The following SPC24 variants were observed in gnomAD, a reference collection of about 807,000 sequenced individuals.
SPC24 encodes the protein kinetochore protein Spc24.
SPC24 carries 31 observed loss-of-function variants against 27.6 expected under a neutral mutation model. The observed-to-expected ratio is 1.12, with a 90% CI of 0.84 to 1.52. SPC24 has a LOEUF of 1.52. SPC24 is among the 40% of genes most tolerant of loss of function. SPC24 has a pLI of 0.00. For missense variants in SPC24, 284 were observed against 252.5 expected, an observed-to-expected ratio of 1.12 and a Z score of -0.84; for synonymous variants, 105 against 105.8, an observed-to-expected ratio of 0.99 and a Z score of 0.05.
chr19:11,150,214 G>A (rs1012924827), intron 1 of SPC24, among the ~76,000 whole-genome samples: 1 of 144,816 alleles, frequency 6.9e-6, no homozygotes, highest in African/African-American at 2.6e-5. Flanking sequence ...AAAAAGGCTA[G>A]GTGTGGTGGC....
In SPC24 at chr19:11,146,479, A is replaced by AAAAAAAAAAAG. The variant is rs1283117437; in HGVS notation, c.*703_*704insCTTTTTTTTTT. The stretch of plus-strand genomic sequence containing the variant: ...AAGAAATCCAGTAAAAAAAAAAAAA[A>AAAAAAAAAAAG]AAAAGGCCAGGCGCGGTGACTCACA... On this transcript the variant is annotated 3_prime_UTR_variant, in exon 5 of 5. Transcript: ENST00000592540. 1.3e-4 allele frequency: 19 copies of AAAAAAAAAAAG among 144,138 alleles called. No homozygotes were observed. The highest frequency in any genetic ancestry group is 2.7e-4 in the Non-Finnish European group (18 of 65,598). The allele number at this position is 144,138 out of a possible 1,614,324, so 8.9% of individuals were successfully genotyped here. A position where few individuals can be genotyped will look rare whatever the true frequency, so the allele number is the denominator to read the frequency against.
chr19:11,148,213 C>A, intron 2 of SPC24, 96 bp from the exon 3 acceptor site: 2 of 763,336 alleles, frequency 2.6e-6, no homozygotes, highest in Non-Finnish European at 2.2e-6. Context: ...TATTTACGCA[C>A]ACTCTCTTCT....
chr19:11,147,607 T>C (rs985625708), intron 4 of SPC24: 13 of 590,934 alleles, frequency 2.2e-5, no homozygotes, highest in African/African-American at 1.7e-4. Context: ...TATACTTTAC[T>C]ATATTTATTA....
intron 1 of SPC24, among the ~76,000 whole-genome samples, chr19:11,151,618 TTG>T (rs1491284612): frequency 2.0e-5 from 1 of 49,972 alleles, no homozygotes; most frequent in African/African-American, 8.4e-5. Flanking sequence ...TACTTTTTTT[TTG>T]GGGGGGGGGG....
intron 2 of SPC24, 87 bp downstream of exon 2, chr19:11,149,007 A>G: frequency 7.6e-7 from 1 of 1,319,694 alleles, no homozygotes; most frequent in East Asian, 2.9e-5. Context: ...TGGGCTTCCC[A>G]AAGTGCTGGG....
chr19:11,147,320 C>T (rs1477278342), intron 4 of SPC24, 31 bp from the exon 5 acceptor site: 6 of 1,451,648 alleles, frequency 4.1e-6, no homozygotes, highest in Middle Eastern at 1.8e-4. Context: ...AAGCCCGGGA[C>T]ACACAGCCCC....
In SPC24 at chr19:11,147,827, C is replaced by T. The variant is rs999927573; in HGVS notation, c.478G>A (p.Val160Ile). Residue 160 changes from valine to isoleucine, a missense_variant, in exon 4 of 5, where the codon GTC becomes ATC. Val to Ile is a conservative substitution (Grantham distance 29). Coordinates refer to ENST00000592540, the MANE Select transcript of SPC24 (RefSeq NM_182513.4). ...EWDYECEPGM[V>I]KGIHHGPSVA... ...TCCCCAAAAAGGATACTGCCTTTGA[C>T]CATCCCTGGCTCACACTCATAATCC... 12 of 1,611,342 alleles carry T rather than the reference C, an allele frequency of 7.4e-6. No homozygotes were observed. In the African/African-American group the frequency reaches 1.3e-4, roughly 18 times the overall value.
intron 3 of SPC24, 34 bp downstream of exon 3, chr19:11,147,979 G>T: frequency 6.2e-7 from 1 of 1,605,812 alleles, no homozygotes; most frequent in Non-Finnish European, 8.5e-7. Flanking sequence ...TGCACAAGGA[G>T]GCACAGGCAG....
intron 1 of SPC24, among the ~76,000 whole-genome samples, chr19:11,150,865 T>C (rs949873727): frequency 6.7e-6 from 1 of 150,040 alleles, no homozygotes; most frequent in African/African-American, 2.5e-5. Flanking sequence ...ACTCAGAGAA[T>C]GCAGATTAAA....
chr19:11,155,190 G>C (rs2077901484), intron 1 of SPC24, among the ~76,000 whole-genome samples: 1 of 152,152 alleles, frequency 6.6e-6, no homozygotes, highest in African/African-American at 2.4e-5. Context: ...TCAGGAAGAA[G>C]GGATGGGCTA....
rs1283117437 is a variant in SPC24, at chr19:11,146,479, A to AAAAAAAAAAAAAAAAAAAAAAAAAAAAG, written c.*703_*704insCTTTTTTTTTTTTTTTTTTTTTTTTTTT. 1 of 144,068 alleles carries AAAAAAAAAAAAAAAAAAAAAAAAAAAAG rather than the reference A, an allele frequency of 6.9e-6. No homozygotes were observed. Among genetic ancestry groups the AAAAAAAAAAAAAAAAAAAAAAAAAAAAG allele is most frequent in the Non-Finnish European group, 1.5e-5 (1 of 65,636 alleles). 8.9% of individuals were successfully genotyped at this position (144,068 alleles called of 1,614,324 possible). On this transcript the variant is annotated 3_prime_UTR_variant, in exon 5 of 5. Coordinates refer to ENST00000592540, the MANE Select transcript of SPC24 (RefSeq NM_182513.4). ...AAGAAATCCAGTAAAAAAAAAAAAA[A>AAAAAAAAAAAAAAAAAAAAAAAAAAAAG]AAAAGGCCAGGCGCGGTGACTCACA...
chr19:11,155,476 T>A, intron 1 of SPC24, 141 bp downstream of exon 1: 1 of 1,023,200 alleles, frequency 9.8e-7, no homozygotes, highest in Non-Finnish European at 1.4e-6. Context: ...AAACTAAGGC[T>A]CAGAGGGGGC....
At chr19:11,148,925 T>A (rs908793573) in intron 2 of SPC24, among the ~76,000 whole-genome samples, 169 bp downstream of exon 2, 3 of 152,076 alleles carry the variant, frequency 2.0e-5, no homozygotes, top group African/African-American at 7.2e-5. Context: ...CTAATTTTTT[T>A]ATTTTTGTAG....
intron 1 of SPC24, among the ~76,000 whole-genome samples, chr19:11,151,622 G>GTT (rs2077872182): frequency 9.9e-5 from 10 of 101,262 alleles, no homozygotes; most frequent in Admixed American, 6.6e-4. Flanking sequence ...TTTTTTTTGG[G>GTT]GGGGGGGGAT....
rs1568630784 is a variant in SPC24 at position 11,148,024 on chromosome 19, G to A, written c.399C>T (p.Ile133=). The stretch of plus-strand genomic sequence containing the variant: ...TTGGCAGAACCTACACGGCCGAGGG[G>A]ATTGTGACTGTCGTGTCCTCGTCGA... The part of the protein sequence containing the change: ...KEVDEDTTVT[I]PSAVYVAQLY... The change falls in exon 3 of 5, where the codon ATC becomes ATT. Residue 133 remains isoleucine, a synonymous_variant. Transcript: ENST00000592540. The A allele has an allele frequency of 6.2e-7, 1 of 1,613,726 alleles. No individual in the cohort carries two copies. Among genetic ancestry groups the A allele is most frequent in the Non-Finnish European group, 8.5e-7 (1 of 1,179,754 alleles).
At chr19:11,150,036 A>T (rs2077858708) in intron 1 of SPC24, among the ~76,000 whole-genome samples, 1 of 151,444 alleles carries the variant, frequency 6.6e-6, no homozygotes, top group African/African-American at 2.4e-5. Context: ...AAACACAAAA[A>T]ATTAGCCAGG....
chr19:11,149,954 C>T (rs1424238302), intron 1 of SPC24, among the ~76,000 whole-genome samples: 4 of 151,668 alleles, frequency 2.6e-5, no homozygotes, highest in African/African-American at 9.7e-5. Context: ...TCGTGATCCA[C>T]CCGCCTCAGC....
rs760915021 is a variant in SPC24 at position 11,145,848 on chromosome 19, C to A, written c.*1335G>T. Reference sequence around the variant, plus strand: ...ACTGGCCAGACCTTAACTATAAGGGCAGCTGGGAAGTGTTGTATTTTAACT... The same window carrying A: ...ACTGGCCAGACCTTAACTATAAGGGAAGCTGGGAAGTGTTGTATTTTAACT... On this transcript the variant is annotated 3_prime_UTR_variant, in exon 5 of 5. Coordinates refer to ENST00000592540, the MANE Select transcript of SPC24 (RefSeq NM_182513.4). 1 of 152,198 alleles carries A rather than the reference C, an allele frequency of 6.6e-6. No homozygotes were observed. Among genetic ancestry groups the A allele is most frequent in the Non-Finnish European group, 1.5e-5 (1 of 68,052 alleles). 9.4% of individuals were successfully genotyped at this position (152,198 alleles called of 1,614,324 possible). A position where few individuals can be genotyped will look rare whatever the true frequency, so the allele number is the denominator to read the frequency against.
In SPC24 at chr19:11,146,292, G is replaced by A. The variant is rs2077822385; in HGVS notation, c.*891C>T. The stretch of plus-strand genomic sequence containing the variant: ...TCAAACATACCCCCTGAATGAGTAA[G>A]GGCCAACCTTGAAGTACCTGGGAGC... On this transcript the variant is annotated 3_prime_UTR_variant, in exon 5 of 5. Coordinates refer to ENST00000592540, the MANE Select transcript of SPC24 (RefSeq NM_182513.4). The A allele has an allele frequency of 6.6e-6, 1 of 151,372 alleles. No individual in the cohort carries two copies. Among genetic ancestry groups the A allele is most frequent in the Admixed American group, 6.7e-5 (1 of 15,036 alleles). The allele number at this position is 151,372 out of a possible 1,614,324, so 9.4% of individuals were successfully genotyped here.
Sources: gnomAD v4.1 joint callset for allele counts (sites outside exome capture counted in the v4.1 genomes callset) on GRCh38, gnomAD v4.1.1 for gene constraint, MANE v1.5 for transcripts, NCBI Gene and HGNC (gene_info 2026-07-23, HGNC 2026-07-21) for gene names.